GSE1: variants seen among roughly 807,000 people sequenced by gnomAD.
GSE1 encodes the protein Gse1 coiled-coil protein.
Under a neutral mutation model 112.6 loss-of-function variants are expected in GSE1, and 32 were observed. That is an observed-to-expected ratio of 0.28 (90% CI 0.21 to 0.38). The LOEUF (loss-of-function observed/expected upper bound fraction) is 0.38. GSE1 is among the 10% of genes least tolerant of loss of function. The probability of loss-of-function intolerance (pLI) is 1.00; values close to 1 mark genes in which losing one functional copy is unlikely to be tolerated. For synonymous variants in GSE1, 1,115 were observed against 735.6 expected (o/e 1.52, Z -8.35); for missense variants, 2,348 against 1,699.2 (o/e 1.38, Z -6.71).
chr16:85,251,761 A>C (rs1247957622), intron 1 of GSE1, among the ~76,000 whole-genome samples: 1 of 152,240 alleles, frequency 6.6e-6, no homozygotes, highest in Admixed American at 6.5e-5. Flanking sequence ...GTGATTCTGC[A>C]TCAAGGGGCC....
intron 1 of GSE1, among the ~76,000 whole-genome samples, chr16:85,252,653 G>C (rs978370479): frequency 2.0e-5 from 3 of 152,220 alleles, no homozygotes; most frequent in South Asian, 4.1e-4. Context: ...TGTGGCTTCA[G>C]GGGAGGAGGA....
intron 2 of GSE1, among the ~76,000 whole-genome samples, chr16:85,544,640 G>A (rs973324140): frequency 6.6e-6 from 1 of 152,220 alleles, no homozygotes; most frequent in Non-Finnish European, 1.5e-5. Context: ...TTGTTGGCCA[G>A]AGGGCTACAT....
chr16:85,385,987 T>C (rs2047680107), intron 2 of GSE1, among the ~76,000 whole-genome samples: 1 of 152,120 alleles, frequency 6.6e-6, no homozygotes, highest in African/African-American at 2.4e-5. Flanking sequence ...CGAACCCCCA[T>C]TCCCCGAGGG....
At chr16:85,337,224 T>C (rs1242524763) in intron 1 of GSE1, among the ~76,000 whole-genome samples, 1 of 151,650 alleles carries the variant, frequency 6.6e-6, no homozygotes, top group Non-Finnish European at 1.5e-5. Context: ...CCTTTGGGCC[T>C]AGGCAGCACA....
At chr16:85,205,047 A>G (rs188401225) in intron 1 of GSE1, among the ~76,000 whole-genome samples, 11 of 126,970 alleles carry the variant, frequency 8.7e-5, no homozygotes, top group African/African-American at 2.6e-4. Context: ...ATGTACACGT[A>G]CGTCTTGGCT....
At chr16:85,179,453 C>A (rs1376172525) in intron 1 of GSE1, among the ~76,000 whole-genome samples, 1 of 152,188 alleles carries the variant, frequency 6.6e-6, no homozygotes, top group East Asian at 1.9e-4. Context: ...AATCATGCCA[C>A]TGTGAACACG....
At chr16:85,613,541 CG>C in intron 1 of GSE1, 143 bp downstream of exon 1, 1 of 794,424 alleles carries the variant, frequency 1.3e-6, no homozygotes, top group South Asian at 1.9e-5. Flanking sequence ...CGATAAGAGC[CG>C]GGAGGGCGGG....
chr16:85,671,037 G>C lies in GSE1; in HGVS notation c.3458G>C (p.Arg1153Pro). The change falls in exon 15 of 16, where the codon CGA becomes CCA. Residue 1153 changes from arginine to proline, a missense_variant. Physicochemically the swap from Arg to Pro is moderately radical, Grantham distance 103. Transcript: ENST00000253458. Reference protein sequence around the residue: ...ERQVLQTQCRRLEARHYSLSL... With the variant: ...ERQVLQTQCRPLEARHYSLSL... ...CAGGTGTTACAGACACAATGTAGAC[G>C]ACTGGAGGCCCGGCACTACAGCCTC... 1 of 1,612,976 alleles carries C rather than the reference G, an allele frequency of 6.2e-7. No individual in the cohort carries two copies. The highest frequency in any genetic ancestry group is 8.5e-7 in the Non-Finnish European group (1 of 1,179,066).
chr16:85,358,528 C>T (rs1178262542), intron 2 of GSE1, among the ~76,000 whole-genome samples: 1 of 152,166 alleles, frequency 6.6e-6, no homozygotes, highest in African/African-American at 2.4e-5. Context: ...CAAAGCACCC[C>T]ATGTTATTGG....
chr16:85,645,741 A>G (rs1382070555), intron 2 of GSE1, among the ~76,000 whole-genome samples: 4 of 152,238 alleles, frequency 2.6e-5, no homozygotes, highest in Non-Finnish European at 5.9e-5. Flanking sequence ...TCTGAACAGA[A>G]GTCGGGCAGG....
intron 3 of GSE1, among the ~76,000 whole-genome samples, chr16:85,652,725 G>A (rs995323204): frequency 2.6e-5 from 4 of 152,146 alleles, no homozygotes; most frequent in Admixed American, 2.6e-4. Flanking sequence ...GGGGCTGGCG[G>A]GTCAGGGACA....
intron 2 of GSE1, among the ~76,000 whole-genome samples, chr16:85,635,196 T>G (rs2151759585): frequency 1.3e-5 from 2 of 152,104 alleles, no homozygotes; most frequent in East Asian, 3.9e-4. Context: ...CTGCTGCTCG[T>G]TGGAGAATGG....
At chr16:85,195,761 C>T (rs2074914866) in intron 1 of GSE1, among the ~76,000 whole-genome samples, 1 of 152,190 alleles carries the variant, frequency 6.6e-6, no homozygotes, top group African/African-American at 2.4e-5. Context: ...ACTGCTGAGA[C>T]TGTCCCGGAA....
intron 1 of GSE1, among the ~76,000 whole-genome samples, chr16:85,182,690 G>A (rs1281302762): frequency 6.6e-6 from 1 of 152,138 alleles, no homozygotes; most frequent in Non-Finnish European, 1.5e-5. Flanking sequence ...TGTCTTTAGG[G>A]TTTAAGACCT....
At chr16:85,587,994 AC>A (rs1363429029) in intron 1 of GSE1, among the ~76,000 whole-genome samples, 1 of 151,998 alleles carries the variant, frequency 6.6e-6, no homozygotes, top group African/African-American at 2.4e-5. Flanking sequence ...GTAATTGGTC[AC>A]CTGGCTGTCA....
upstream of GSE1, among the ~76,000 whole-genome samples, chr16:85,551,019 C>T (rs878986315): frequency 2.6e-5 from 4 of 152,174 alleles, no homozygotes; most frequent in East Asian, 5.8e-4. Flanking sequence ...GGGTGTGCAG[C>T]GTGGGCAGGG....
intron 2 of GSE1, among the ~76,000 whole-genome samples, chr16:85,452,224 C>CT (rs757545023): frequency 6.6e-6 from 1 of 152,220 alleles, no homozygotes; most frequent in Non-Finnish European, 1.5e-5. Flanking sequence ...GTCAAGCTGT[C>CT]TGACTCCTCG....
At chr16:85,389,755 T>C (rs571887518) in intron 2 of GSE1, among the ~76,000 whole-genome samples, 1 of 152,264 alleles carries the variant, frequency 6.6e-6, no homozygotes, top group East Asian at 1.9e-4. Context: ...CTTGGAGCCC[T>C]TTACCTGAAC....
At chr16:85,361,500 C>G (rs2047081297) in intron 2 of GSE1, among the ~76,000 whole-genome samples, 1 of 152,262 alleles carries the variant, frequency 6.6e-6, no homozygotes, top group Non-Finnish European at 1.5e-5. Context: ...GCCCTCTCAG[C>G]CCTCTCTGCC....
Sources: allele counts gnomAD v4.1 joint callset (sites outside exome capture counted in the v4.1 genomes callset), GRCh38; gene constraint gnomAD v4.1.1; transcripts MANE v1.5; gene names NCBI Gene and HGNC (gene_info 2026-07-23, HGNC 2026-07-21).